Variants in PALS1 observed in about 807,000 individuals in gnomAD.
PALS1 encodes the protein protein associated with LIN7 1, MAGUK p55 family member.
PALS1 carries 31 observed loss-of-function variants against 78.9 expected under a neutral mutation model. The observed-to-expected ratio is 0.39, with a 90% CI of 0.30 to 0.53. The LOEUF (loss-of-function observed/expected upper bound fraction) is 0.53, where lower values mean the gene tolerates loss of function less well. PALS1 is among the 20% of genes least tolerant of loss of function. The probability of loss-of-function intolerance (pLI) is 0.67; values close to 1 mark genes in which losing one functional copy is unlikely to be tolerated. For missense variants in PALS1, 704 were observed against 826.5 expected, an observed-to-expected ratio of 0.85 and a Z score of 1.82; for synonymous variants, 276 against 270.9, an observed-to-expected ratio of 1.02 and a Z score of -0.18.
intron 8 of PALS1, among the ~76,000 whole-genome samples, chr14:67,306,510 A>C (rs1019900117): frequency 1.9e-4 from 27 of 139,114 alleles, no homozygotes; most frequent in African/African-American, 7.7e-4. Flanking sequence ...TGCCTGGCTG[A>C]ATTTGTGTGT....
intron 4 of PALS1, among the ~76,000 whole-genome samples, chr14:67,293,913 TC>T (rs1292407276): frequency 6.6e-6 from 1 of 151,846 alleles, no homozygotes; most frequent in African/African-American, 2.4e-5. Context: ...GCAAGACAGA[TC>T]ACAATTGCTC....
chr14:67,278,991 T>C (rs1164319365), intron 2 of PALS1, 27 bp from the exon 3 acceptor site: 2 of 556,570 alleles, frequency 3.6e-6, no homozygotes, highest in East Asian at 3.3e-5. Flanking sequence ...ATTCTTACAC[T>C]TTTTTCCCCC....
intron 1 of PALS1, among the ~76,000 whole-genome samples, chr14:67,262,851 A>G (rs1296170073): frequency 6.6e-6 from 1 of 152,162 alleles, no homozygotes; most frequent in African/African-American, 2.4e-5. Flanking sequence ...CTTCATTATT[A>G]GCCATATACA....
intron 14 of PALS1, among the ~76,000 whole-genome samples, chr14:67,326,052 C>T (rs2085350749): frequency 7.1e-6 from 1 of 139,880 alleles, no homozygotes; most frequent in East Asian, 2.1e-4. Flanking sequence ...GTCTCGATCT[C>T]GTGACCTCGT....
At chr14:67,314,929 G>A (rs1319454745) in intron 9 of PALS1, among the ~76,000 whole-genome samples, 1 of 151,982 alleles carries the variant, frequency 6.6e-6, no homozygotes, top group Non-Finnish European at 1.5e-5. Flanking sequence ...CTGACATAAT[G>A]AGACTTTGTC....
intron 14 of PALS1, among the ~76,000 whole-genome samples, chr14:67,331,566 GTTCAGCTAAAAATT>G (rs1411387861): frequency 1.3e-5 from 2 of 152,056 alleles, no homozygotes; most frequent in African/African-American, 2.4e-5. Flanking sequence ...GTTTTGCCTA[GTTCAGCTAAAAATT>G]TTGAGCTAAA....
At chr14:67,242,468 T>C (rs1365113176) in intron 1 of PALS1, among the ~76,000 whole-genome samples, 2 of 152,246 alleles carry the variant, frequency 1.3e-5, no homozygotes, top group African/African-American at 4.8e-5. Flanking sequence ...AATATCATGT[T>C]TTAATGATAG....
At chr14:67,330,284 G>A (rs1490130110) in intron 14 of PALS1, among the ~76,000 whole-genome samples, 3 of 151,166 alleles carry the variant, frequency 2.0e-5, no homozygotes, top group African/African-American at 4.9e-5. Flanking sequence ...ACTATAATTT[G>A]CACTTGCTTT....
chr14:67,270,787 A>G (rs1234890920), intron 2 of PALS1: 1 of 152,198 alleles, frequency 6.6e-6, no homozygotes, highest in African/African-American at 2.4e-5. Context: ...AGGATCTTTC[A>G]TTGCCTTCAT....
chr14:67,290,173 T>C (rs570722660), intron 3 of PALS1, among the ~76,000 whole-genome samples: 75 of 152,284 alleles, frequency 4.9e-4, no homozygotes, highest in African/African-American at 1.7e-3. Context: ...AAAATCTCAA[T>C]AGGACTTTTC....
intron 1 of PALS1, among the ~76,000 whole-genome samples, chr14:67,257,986 C>T (rs994574185): frequency 6.6e-6 from 1 of 151,714 alleles, no homozygotes; most frequent in African/African-American, 2.4e-5. Context: ...CTACTTCATT[C>T]GATTGTCATT....
At chr14:67,274,480 T>G (rs2084465302) in intron 2 of PALS1, among the ~76,000 whole-genome samples, 1 of 152,180 alleles carries the variant, frequency 6.6e-6, no homozygotes, top group Admixed American at 6.5e-5. Flanking sequence ...CATTGGTCTA[T>G]ATCTCTGTTT....
At chr14:67,242,346 C>G (rs774230430) in intron 1 of PALS1, among the ~76,000 whole-genome samples, 5 of 152,050 alleles carry the variant, frequency 3.3e-5, no homozygotes, top group Non-Finnish European at 5.9e-5. Flanking sequence ...TCTCCATACT[C>G]GTTTAGAATA....
Position 67,321,042 on chromosome 14 carries a change from ATT to A in PALS1, c.1538-12_1538-11del. On this transcript the variant is annotated splice_polypyrimidine_tract_variant and intron_variant, in intron 12 of 14. Coordinates refer to ENST00000261681, the MANE Select transcript of PALS1 (RefSeq NM_022474.4). ...AAGCCATGCCTGTTATTTCTATCTGATTTTGTTTGCCTAGATACAACCCGGAG... is the reference window on the plus strand; with the variant it reads ...AAGCCATGCCTGTTATTTCTATCTGATTGTTTGCCTAGATACAACCCGGAG... 6.2e-7 allele frequency: 1 copy of A among 1,612,868 alleles called. No individual in the cohort carries two copies. Among genetic ancestry groups the A allele is most frequent in the Non-Finnish European group, 8.5e-7 (1 of 1,178,926 alleles).
intron 3 of PALS1, among the ~76,000 whole-genome samples, chr14:67,280,853 TTCCCTCCC>T (rs71446332): frequency 2.6e-4 from 20 of 77,572 alleles, no homozygotes; most frequent in African/African-American, 9.0e-4. Context: ...CCTTCCTTCC[TTCCCTCCC>T]TCCCTCCCTC....
In PALS1 at chr14:67,334,778, T is replaced by C. The variant is rs1446971216; in HGVS notation, c.*1822T>C. 6.6e-6 allele frequency: 1 copy of C among 152,244 alleles called. No individual in the cohort carries two copies. The highest frequency in any genetic ancestry group is 1.5e-5 in the Non-Finnish European group (1 of 68,040). 9.4% of individuals were successfully genotyped at this position (152,244 alleles called of 1,614,324 possible). ...GAAATTTCACAGGTCACACCGATTT[T>C]TAGCATTAAAAACTAAGGAATATAC... is the stretch of plus-strand genomic sequence containing the variant. On this transcript the variant is annotated 3_prime_UTR_variant, in exon 15 of 15. Transcript: ENST00000261681.
intron 3 of PALS1, among the ~76,000 whole-genome samples, chr14:67,280,853 T>TTCTTTCCC (rs1555520242): frequency 2.6e-4 from 20 of 77,580 alleles, no homozygotes; most frequent in African/African-American, 1.5e-3. Context: ...CCTTCCTTCC[T>TTCTTTCCC]TCCCTCCCTC....
At chr14:67,277,747 A>G (rs2084529200) in intron 2 of PALS1, among the ~76,000 whole-genome samples, 1 of 152,166 alleles carries the variant, frequency 6.6e-6, no homozygotes, top group Non-Finnish European at 1.5e-5. Context: ...AAGATTTTTA[A>G]AATAGAATCA....
chr14:67,255,830 G>A (rs1366492626), intron 1 of PALS1, among the ~76,000 whole-genome samples: 4 of 152,166 alleles, frequency 2.6e-5, no homozygotes, highest in African/African-American at 9.7e-5. Context: ...TGGGATTGCA[G>A]GCACCTGCCA....
Sources: gnomAD v4.1 joint callset for allele counts (sites outside exome capture counted in the v4.1 genomes callset) on GRCh38, gnomAD v4.1.1 for gene constraint, MANE v1.5 for transcripts, NCBI Gene and HGNC (gene_info 2026-07-23, HGNC 2026-07-21) for gene names.